PTPRD: variants seen among roughly 807,000 people sequenced by gnomAD.
PTPRD encodes the protein protein tyrosine phosphatase receptor type D.
A neutral mutation model predicts 214.5 loss-of-function variants in PTPRD; 34 were observed. The ratio of observed to expected loss-of-function variants is 0.16; its 90% CI spans 0.12 to 0.21. The LOEUF (loss-of-function observed/expected upper bound fraction) is 0.21, where lower values mean the gene tolerates loss of function less well. PTPRD is among the 10% of genes least tolerant of loss of function. The probability of loss-of-function intolerance (pLI) is 1.00; values close to 1 mark genes in which losing one functional copy is unlikely to be tolerated. For missense variants in PTPRD, 2,545 were observed against 2,398.7 expected (o/e 1.06, Z -1.27); for synonymous variants, 1,128 against 845.7 (o/e 1.33, Z -5.79).
At chr9:9,936,895 A>G (rs1024246468) in intron 5 of PTPRD, among the ~76,000 whole-genome samples, 1 of 147,184 alleles carries the variant, frequency 6.8e-6, no homozygotes, top group African/African-American at 2.6e-5. Flanking sequence ...CTATGCAGCC[A>G]TAAAAAATGA....
At chr9:10,567,658 C>A (rs2066034686) in intron 2 of PTPRD, among the ~76,000 whole-genome samples, 1 of 151,918 alleles carries the variant, frequency 6.6e-6, no homozygotes, top group Non-Finnish European at 1.5e-5. Flanking sequence ...CTCTCTGTAA[C>A]AGTAAATACA....
intron 8 of PTPRD, among the ~76,000 whole-genome samples, chr9:9,434,671 T>C (rs7468879): frequency 0.38 from 56,845 of 151,542 alleles, 11,247 homozygotes; most frequent in Middle Eastern, 0.59. Flanking sequence ...GGCATAAAAA[T>C]AGACAGACCA....
chr9:9,451,672 C>T (rs984082532), intron 8 of PTPRD, among the ~76,000 whole-genome samples: 30 of 151,362 alleles, frequency 2.0e-4, no homozygotes, highest in African/African-American at 6.8e-4. Flanking sequence ...AAATTAACAA[C>T]CAAACAAAAG....
intron 7 of PTPRD, among the ~76,000 whole-genome samples, chr9:9,596,680 T>G (rs1305351490): frequency 6.6e-6 from 1 of 152,042 alleles, no homozygotes; most frequent in Non-Finnish European, 1.5e-5. Flanking sequence ...AAGACTTGAT[T>G]GTGTAAATCA....
intron 11 of PTPRD, among the ~76,000 whole-genome samples, chr9:8,931,541 A>T (rs1354818611): frequency 2.6e-5 from 4 of 152,156 alleles, no homozygotes; most frequent in African/African-American, 9.7e-5. Context: ...GAATCTATAA[A>T]TTACCTTGGG....
At chr9:9,052,325 AAAG>A (rs1305534053) in intron 10 of PTPRD, among the ~76,000 whole-genome samples, 3 of 152,200 alleles carry the variant, frequency 2.0e-5, no homozygotes, top group Non-Finnish European at 2.9e-5. Context: ...TGGGGAACAT[AAAG>A]ATTTATTCAT....
rs532681794 is a variant in PTPRD at position 10,305,383 on chromosome 9, C to CAAAAAAAAAAAAAAAAA, written c.-545+35563_-545+35579dup. Among the ~76,000 whole-genome samples the CAAAAAAAAAAAAAAAAA allele has an allele frequency of 2.6e-5, 2 of 75,880 alleles. 1 individual carries two copies. Among genetic ancestry groups the CAAAAAAAAAAAAAAAAA allele is most frequent in the African/African-American group, 8.3e-5 (2 of 24,158 alleles). The allele number at this position is 75,880 out of a possible 152,430, so 49.8% of individuals were successfully genotyped here. A position where few individuals can be genotyped will look rare whatever the true frequency, so the allele number is the denominator to read the frequency against. On this transcript the variant is annotated intron_variant, in intron 3 of 45. Transcript: ENST00000381196. Reference sequence around the variant, plus strand: ...ATGACTAAAACACCAAAAGCAATGGCAAAAAAAAAAAAAAAAAAAAGCCAA... The same window carrying CAAAAAAAAAAAAAAAAA: ...ATGACTAAAACACCAAAAGCAATGGCAAAAAAAAAAAAAAAAAAAAAAAAAAAAAAAAAAAAAGCCAA...
At chr9:10,360,889 T>C (rs1193684981) in intron 2 of PTPRD, among the ~76,000 whole-genome samples, 2 of 151,996 alleles carry the variant, frequency 1.3e-5, no homozygotes, top group Non-Finnish European at 2.9e-5. Flanking sequence ...GATCGCGAGG[T>C]CAGGAGATCG....
chr9:10,530,547 A>G (rs1176943081), intron 2 of PTPRD, among the ~76,000 whole-genome samples: 1 of 152,104 alleles, frequency 6.6e-6, no homozygotes, highest in Non-Finnish European at 1.5e-5. Flanking sequence ...AAAGGTAGTA[A>G]CTGATCCCAG....
In PTPRD at chr9:8,340,519, C is replaced by G. The variant is rs1304745606; in HGVS notation, c.5127-50G>C. 2.0e-6 allele frequency: 3 copies of G among 1,476,578 alleles called. No individual in the cohort carries two copies. The Admixed American group carries it at 5.5e-5, about 27-fold the overall frequency. The allele number at this position is 1,476,578 out of a possible 1,614,324, so 91.5% of individuals were successfully genotyped here. A position where few individuals can be genotyped will look rare whatever the true frequency, so the allele number is the denominator to read the frequency against. On this transcript the variant is annotated intron_variant, in intron 41 of 45. Coordinates refer to ENST00000381196, the MANE Select transcript of PTPRD (RefSeq NM_002839.4). ...TGTGTTAAAGTATTTAGAGAACATG[C>G]AAAAGCTCACACTGGATACATAAAC...
intron 3 of PTPRD, among the ~76,000 whole-genome samples, chr9:10,220,201 T>C (rs1219159314): frequency 2.0e-5 from 3 of 151,842 alleles, no homozygotes; most frequent in East Asian, 3.9e-4. Context: ...AATTGCAGTA[T>C]AACACAAAAG....
At chr9:8,733,452 G>T (rs769281371) in intron 12 of PTPRD, among the ~76,000 whole-genome samples, 6 of 152,030 alleles carry the variant, frequency 3.9e-5, no homozygotes, top group Non-Finnish European at 8.8e-5. Flanking sequence ...TTACTTATTG[G>T]CACCACCAAC....
intron 8 of PTPRD, among the ~76,000 whole-genome samples, chr9:9,525,881 TTCATCCATGTAAGCATCACC>T (rs1194506774): frequency 1.3e-5 from 2 of 152,058 alleles, no homozygotes; most frequent in African/African-American, 2.4e-5. Context: ...CAAATAGGTA[TTCATCCATGTAAGCATCACC>T]TAAGTCAACA....
intron 2 of PTPRD, among the ~76,000 whole-genome samples, chr9:10,438,237 T>C (rs572540751): frequency 2.6e-5 from 4 of 151,650 alleles, no homozygotes; most frequent in South Asian, 2.1e-4. Context: ...TCTCCAACTT[T>C]ATGGTCTAAT....
At chr9:10,470,084 T>C (rs929272616) in intron 2 of PTPRD, among the ~76,000 whole-genome samples, 1 of 152,098 alleles carries the variant, frequency 6.6e-6, no homozygotes, top group Non-Finnish European at 1.5e-5. Context: ...TATTTAACAA[T>C]GATTTATTGT....
intron 33 of PTPRD, among the ~76,000 whole-genome samples, chr9:8,456,841 C>A (rs2096224577): frequency 6.6e-6 from 1 of 151,912 alleles, no homozygotes. Context: ...TCTAGGACCA[C>A]CTGATCTACA....
At chr9:10,049,710 C>T (rs1034640605) in intron 3 of PTPRD, among the ~76,000 whole-genome samples, 2 of 152,162 alleles carry the variant, frequency 1.3e-5, no homozygotes, top group African/African-American at 4.8e-5. Context: ...CCAAGTAGGG[C>T]TGATTTTATT....
intron 12 of PTPRD, among the ~76,000 whole-genome samples, chr9:8,674,893 A>G (rs1331730582): frequency 6.6e-6 from 1 of 152,292 alleles, no homozygotes; most frequent in African/African-American, 2.4e-5. Context: ...AAACTAGCCA[A>G]GGTCCTCCTA....
chr9:9,065,904 A>C (rs2099729924), intron 10 of PTPRD, among the ~76,000 whole-genome samples: 1 of 152,182 alleles, frequency 6.6e-6, no homozygotes, highest in Non-Finnish European at 1.5e-5. Context: ...GGGTTTAAAT[A>C]CAGTGCCTAA....
Sources: allele counts gnomAD v4.1 joint callset (sites outside exome capture counted in the v4.1 genomes callset), GRCh38; gene constraint gnomAD v4.1.1; transcripts MANE v1.5; gene names NCBI Gene and HGNC (gene_info 2026-07-23, HGNC 2026-07-21).